The following SEC24B variants were observed in gnomAD, a reference collection of about 807,000 sequenced individuals.
SEC24B encodes protein transport protein Sec24B.
A neutral mutation model predicts 142.8 loss-of-function variants in SEC24B; 45 were observed. That is an observed-to-expected ratio of 0.32 (90% CI 0.25 to 0.40). The LOEUF (loss-of-function observed/expected upper bound fraction) is 0.40, where lower values mean the gene tolerates loss of function less well. SEC24B is among the 10% of genes least tolerant of loss of function. The pLI, the probability that SEC24B is intolerant of heterozygous loss-of-function variation, is 1.00. For missense variants in SEC24B, 1,409 were observed against 1,526.8 expected (o/e 0.92, Z 1.29); for synonymous variants, 574 against 568.2 (o/e 1.01, Z -0.15).
intron 1 of SEC24B, among the ~76,000 whole-genome samples, chr4:109,459,535 G>T (rs898666110): frequency 6.6e-6 from 1 of 151,944 alleles, no homozygotes; most frequent in Non-Finnish European, 1.5e-5. Flanking sequence ...GAACATTTAG[G>T]TCTTGATATA....
chr4:109,499,855 C>A (rs997193249), intron 6 of SEC24B, among the ~76,000 whole-genome samples: 4 of 152,162 alleles, frequency 2.6e-5, no homozygotes, highest in African/African-American at 4.8e-5. Flanking sequence ...AGAGTGTACT[C>A]CTTCTATTTA....
chr4:109,525,515 G>T lies in SEC24B; in HGVS notation c.2791+11G>T. 2 of 1,569,568 alleles carry T rather than the reference G, an allele frequency of 1.3e-6. No individual in the cohort carries two copies. Among genetic ancestry groups the T allele is most frequent in the South Asian group, 2.4e-5 (2 of 84,338 alleles). Reference sequence around the variant, plus strand: ...TAAGGTGTACTAAAGGTATGAAGTTGTAAAAGTTATATTTTATATTAAATA... The same window carrying T: ...TAAGGTGTACTAAAGGTATGAAGTTTTAAAAGTTATATTTTATATTAAATA... On this transcript the variant is annotated intron_variant, in intron 16 of 23. Transcript: ENST00000265175.
intron 1 of SEC24B, among the ~76,000 whole-genome samples, chr4:109,453,738 T>C (rs538363024): frequency 6.6e-6 from 1 of 152,124 alleles, no homozygotes; most frequent in African/African-American, 2.4e-5. Flanking sequence ...CTTACGAAGA[T>C]GAAAGGATTA....
chr4:109,479,722 A>G lies in SEC24B; in HGVS notation c.1061-1955A>G, dbSNP rs188455991. ...AGTGCTGGGATTATAGACATGAGCAATTGTACTTGGCTCAAATTTTTGTTT... is the reference window on the plus strand; with the variant it reads ...AGTGCTGGGATTATAGACATGAGCAGTTGTACTTGGCTCAAATTTTTGTTT... On this transcript the variant is annotated intron_variant, in intron 3 of 23. Transcript: ENST00000265175. Among the ~76,000 whole-genome samples the G allele has an allele frequency of 3.8e-3, 584 of 152,324 alleles. 1 individual carries two copies. The highest frequency in any genetic ancestry group is 6.8e-3 in the Non-Finnish European group (462 of 68,032).
chr4:109,531,810 C>T (rs555634263), intron 20 of SEC24B, among the ~76,000 whole-genome samples: 10 of 152,084 alleles, frequency 6.6e-5, no homozygotes, highest in Non-Finnish European at 1.0e-4. Flanking sequence ...GTAGAGTGGA[C>T]ATTTCCATTT....
At chr4:109,477,280 A>G (rs1733276252) in intron 3 of SEC24B, among the ~76,000 whole-genome samples, 1 of 151,764 alleles carries the variant, frequency 6.6e-6, no homozygotes, top group South Asian at 2.1e-4. Flanking sequence ...ATTTCCTTCT[A>G]CCATGGCCAA....
At chr4:109,487,055 C>T (rs1219251449) in intron 4 of SEC24B, among the ~76,000 whole-genome samples, 1 of 150,464 alleles carries the variant, frequency 6.6e-6, no homozygotes, top group African/African-American at 2.4e-5. Flanking sequence ...ATCCCAGCTG[C>T]TTTGGAGGCT....
chr4:109,451,776 G>T (rs1204647600), intron 1 of SEC24B, among the ~76,000 whole-genome samples: 1 of 152,122 alleles, frequency 6.6e-6, no homozygotes, highest in Non-Finnish European at 1.5e-5. Context: ...TATGAAATGT[G>T]AGTATGTATA....
intron 14 of SEC24B, among the ~76,000 whole-genome samples, chr4:109,523,152 A>G (rs1723837610): frequency 6.6e-6 from 1 of 152,106 alleles, no homozygotes; most frequent in Non-Finnish European, 1.5e-5. Flanking sequence ...AGCTTGGGCA[A>G]TGTAACGAGA....
intron 1 of SEC24B, among the ~76,000 whole-genome samples, chr4:109,460,628 A>T (rs1731154036): frequency 6.6e-6 from 1 of 151,674 alleles, no homozygotes; most frequent in Non-Finnish European, 1.5e-5. Flanking sequence ...CTAAGCATGT[A>T]ACTGTGTTAA....
rs143064306 is a variant in SEC24B, at chr4:109,459,408, A to T, written c.134-3493A>T. Among the ~76,000 whole-genome samples the T allele has an allele frequency of 7.9e-5, 12 of 152,360 alleles. No homozygotes were observed. In the East Asian group the frequency reaches 1.9e-3, roughly 24 times the overall value. ...TAAAATACATAATGATTTTTGAAGA[A>T]ATAGTACAAAAAAGCAAAATATCTC... is the stretch of plus-strand genomic sequence containing the variant. On this transcript the variant is annotated intron_variant, in intron 1 of 23. Coordinates refer to ENST00000265175, the MANE Select transcript of SEC24B (RefSeq NM_006323.5).
chr4:109,530,955 CATG>C (rs1444834129), intron 19 of SEC24B, among the ~76,000 whole-genome samples: 1 of 132,150 alleles, frequency 7.6e-6, no homozygotes, highest in African/African-American at 2.8e-5. Flanking sequence ...TATACAAATA[CATG>C]ATGACTTTAG....
Position 109,518,076 on chromosome 4 carries a change from T to C in SEC24B, c.2126+1436T>C, listed in dbSNP as rs575400958. On this transcript the variant is annotated intron_variant, in intron 11 of 23. Transcript: ENST00000265175. ...TCCGCCTTCTGGGTTCAAGCAATTC[T>C]CTTGCCTCAGCCTCCCAAATAGCTG... is the stretch of plus-strand genomic sequence containing the variant. 2.0e-5 allele frequency among the ~76,000 whole-genome samples: 3 copies of C among 152,244 alleles called. No homozygotes were observed. In the South Asian group the frequency reaches 6.2e-4, roughly 32 times the overall value.
At chr4:109,522,463 A>G (rs1723749466) in intron 14 of SEC24B, among the ~76,000 whole-genome samples, 1 of 152,222 alleles carries the variant, frequency 6.6e-6, no homozygotes, top group African/African-American at 2.4e-5. Context: ...CATTTTATAG[A>G]TGAGGAAGTA....
intron 8 of SEC24B, 49 bp from the exon 9 acceptor site, chr4:109,511,908 T>C: frequency 6.3e-7 from 1 of 1,598,364 alleles, no homozygotes; most frequent in South Asian, 1.1e-5. Flanking sequence ...CGTTCTGTTT[T>C]TCCTTGGGGT....
At position 109,516,340 on chromosome 4, in the gene SEC24B, T is replaced by C. The variant is rs182711807; in HGVS notation, c.2014-188T>C. 1.4e-4 allele frequency among the ~76,000 whole-genome samples: 21 copies of C among 152,342 alleles called. No individual in the cohort carries two copies. In the South Asian group the frequency reaches 4.3e-3, roughly 32 times the overall value. ...GTATCAACTGCCTTATCATGCTTAGTCCACAACCAACTAAAAAGAAAAAAA... is the reference window on the plus strand; with the variant it reads ...GTATCAACTGCCTTATCATGCTTAGCCCACAACCAACTAAAAAGAAAAAAA... On this transcript the variant is annotated intron_variant, in intron 10 of 23. Transcript: ENST00000265175.
rs373622948 is a variant in SEC24B at position 109,476,972 on chromosome 4, C to G, written c.1060+3786C>G. Among the ~76,000 whole-genome samples the G allele has an allele frequency of 3.3e-5, 5 of 151,374 alleles. No homozygotes were observed. In the South Asian group the frequency reaches 1.0e-3, roughly 32 times the overall value. ...CTAAAACGGTGAAACCCCGTCTCTA[C>G]TAAAAATACAAAAAATTAGCCGGGC... On this transcript the variant is annotated intron_variant, in intron 3 of 23. Coordinates refer to ENST00000265175, the MANE Select transcript of SEC24B (RefSeq NM_006323.5).
At chr4:109,481,939 G>A (rs147568927) in intron 4 of SEC24B, among the ~76,000 whole-genome samples, 158 bp downstream of exon 4, 1 of 152,310 alleles carries the variant, frequency 6.6e-6, no homozygotes, top group African/African-American at 2.4e-5. Flanking sequence ...ATAAAATAAG[G>A]TGTTTGTTTT....
intron 1 of SEC24B, among the ~76,000 whole-genome samples, chr4:109,446,185 G>C (rs1056633294): frequency 2.6e-5 from 4 of 152,194 alleles, no homozygotes; most frequent in African/African-American, 9.7e-5. Flanking sequence ...TAAGGATCTT[G>C]AGATGGGGTT....
Sources: allele counts gnomAD v4.1 joint callset (sites outside exome capture counted in the v4.1 genomes callset), GRCh38; gene constraint gnomAD v4.1.1; transcripts MANE v1.5; gene names NCBI Gene and HGNC (gene_info 2026-07-23, HGNC 2026-07-21).